The following GRIA3 variants were observed in gnomAD, a reference collection of about 807,000 sequenced individuals.
GRIA3 encodes the protein glutamate ionotropic receptor AMPA type subunit 3.
In GRIA3, 3 loss-of-function variants were observed where a neutral mutation model predicts 63.0. The observed-to-expected ratio is 0.05, with a 90% CI of 0.02 to 0.12. The LOEUF (loss-of-function observed/expected upper bound fraction) is 0.12. Ranked by LOEUF, GRIA3 falls within the 10% of genes least tolerant of loss-of-function variation. The pLI, the probability that GRIA3 is intolerant of heterozygous loss-of-function variation, is 1.00. For synonymous variants in GRIA3, 274 were observed against 257.9 expected, an observed-to-expected ratio of 1.06 and a Z score of -0.60; for missense variants, 347 against 700.9, an observed-to-expected ratio of 0.50 and a Z score of 5.70.
intron 2 of GRIA3, among the ~76,000 whole-genome samples, chrX:123,199,664 G>T (rs1352300994): frequency 9.0e-6 from 1 of 111,560 alleles, no homozygotes; most frequent in African/African-American, 3.3e-5. Flanking sequence ...GCTGCACAAT[G>T]ACATACATAA....
At chrX:123,366,167 C>A (rs894688786) in intron 5 of GRIA3, among the ~76,000 whole-genome samples, 2 of 111,022 alleles carry the variant, frequency 1.8e-5, no homozygotes, top group African/African-American at 6.6e-5. Context: ...TCTTTATGAC[C>A]CATATCTTGT....
At chrX:123,195,818 T>G (rs921309062) in intron 2 of GRIA3, among the ~76,000 whole-genome samples, 3 of 111,618 alleles carry the variant, frequency 2.7e-5, no homozygotes, top group Non-Finnish European at 5.6e-5. Flanking sequence ...AAAAACTCTA[T>G]TTTGACTTTC....
At chrX:123,484,779 G>A (rs1416655183) in intron 15 of GRIA3, among the ~76,000 whole-genome samples, 2 of 112,550 alleles carry the variant, frequency 1.8e-5, no homozygotes, top group African/African-American at 3.2e-5. Flanking sequence ...CACCATGCCC[G>A]GCTGCATTTG....
At chrX:123,335,423 T>C (rs2044968228) in intron 4 of GRIA3, among the ~76,000 whole-genome samples, 1 of 111,884 alleles carries the variant, frequency 8.9e-6, no homozygotes, top group Admixed American at 9.5e-5. Flanking sequence ...AATTGGATTC[T>C]GATTAACTGA....
At chrX:123,359,730 A>AAAAAC (rs897633985) in intron 5 of GRIA3, among the ~76,000 whole-genome samples, 4 of 111,907 alleles carry the variant, frequency 3.6e-5, no homozygotes, top group Admixed American at 1.9e-4. Flanking sequence ...GACCAAAAAC[A>AAAAAC]AAAACAAAAC....
intron 2 of GRIA3, among the ~76,000 whole-genome samples, chrX:123,250,398 T>C (rs929845620): frequency 3.6e-5 from 4 of 112,212 alleles, no homozygotes; most frequent in African/African-American, 1.3e-4. Context: ...AACCAGAACC[T>C]CGCCACTTAT....
intron 5 of GRIA3, among the ~76,000 whole-genome samples, chrX:123,364,765 C>A (rs893711642): frequency 1.8e-5 from 2 of 112,548 alleles, no homozygotes. Flanking sequence ...ATGTACACAA[C>A]GGAATACTAT....
chrX:123,357,888 A>G (rs1337677397), intron 5 of GRIA3, among the ~76,000 whole-genome samples: 1 of 111,013 alleles, frequency 9.0e-6, no homozygotes, highest in Non-Finnish European at 1.9e-5. Flanking sequence ...CCCTCTTTTC[A>G]TTTGAATTCA....
At chrX:123,367,259 A>T (rs1425264827) in intron 5 of GRIA3, among the ~76,000 whole-genome samples, 1 of 111,718 alleles carries the variant, frequency 9.0e-6, no homozygotes, top group Non-Finnish European at 1.9e-5. Context: ...GTCTACTGAA[A>T]CACATTTTGT....
At chrX:123,407,003 A>G (rs942620336) in intron 10 of GRIA3, among the ~76,000 whole-genome samples, 10 of 111,912 alleles carry the variant, frequency 8.9e-5, no homozygotes, top group Non-Finnish European at 1.7e-4. Flanking sequence ...TACCTGATAC[A>G]TAGTAAATGC....
intron 3 of GRIA3, among the ~76,000 whole-genome samples, chrX:123,310,859 C>T (rs2044785948): frequency 1.8e-5 from 2 of 111,036 alleles, no homozygotes; most frequent in Non-Finnish European, 3.8e-5. Context: ...AAAAACTAGC[C>T]AGGTGTGGTG....
intron 3 of GRIA3, among the ~76,000 whole-genome samples, chrX:123,299,907 T>C (rs779941614): frequency 6.1e-5 from 4 of 65,126 alleles, no homozygotes; most frequent in Non-Finnish European, 1.1e-4. Context: ...GCTCCTTCAA[T>C]ACCTAGTTTA....
Position 123,253,334 on chromosome X carries a change from C to T in GRIA3, c.300C>T (p.Ala100=). The T allele has an allele frequency of 1.7e-6, 2 of 1,208,348 alleles. No homozygotes were observed. The highest frequency in any genetic ancestry group is 2.2e-6 in the Non-Finnish European group (2 of 892,347). ...CCCAGTTCTCGAGAGGGGTGTATGCCATCTTTGGATTCTATGACCAGATGT... is the reference window on the plus strand; with the variant it reads ...CCCAGTTCTCGAGAGGGGTGTATGCTATCTTTGGATTCTATGACCAGATGT... ...FCSQFSRGVY[A]IFGFYDQMSM... is the part of the protein sequence containing the mutation. The change falls in exon 3 of 16, where the codon GCC becomes GCT. Residue 100 remains alanine (A), a synonymous_variant. Coordinates refer to ENST00000620443, the MANE Select transcript of GRIA3 (RefSeq NM_007325.5).
In GRIA3 at chrX:123,231,293, T is replaced by C. The variant is rs950739840; in HGVS notation, c.269-22010T>C. ...AAGCCAGAAAGAACCTTAGAGATCA[T>C]TGGATTCTCATTTTTCAGGTGAGGA... On this transcript the variant is annotated intron_variant, in intron 2 of 15. Coordinates refer to ENST00000620443, the MANE Select transcript of GRIA3 (RefSeq NM_007325.5). Among the ~76,000 whole-genome samples the C allele has an allele frequency of 6.3e-5, 7 of 111,545 alleles. 1 individual carries two copies. The highest frequency in any genetic ancestry group is 9.3e-3 in the Middle Eastern group (2 of 216).
intron 12 of GRIA3, among the ~76,000 whole-genome samples, chrX:123,457,622 C>CA (rs1200052575): frequency 1.8e-5 from 2 of 112,377 alleles, no homozygotes; most frequent in African/African-American, 6.5e-5. Context: ...TTACAAACAC[C>CA]AATACTGTCT....
Position 123,202,723 on chromosome X carries a change from T to C in GRIA3, c.268+16733T>C, listed in dbSNP as rs1333499936. 6 of 1,166,367 alleles carry C rather than the reference T, an allele frequency of 5.1e-6. No individual in the cohort carries two copies. In the South Asian group the frequency reaches 7.6e-5, roughly 15 times the overall value. ...CTGCCGTGCTGCAAAGATCATGGGC[T>C]GCTGCACCTAAAATGTTCACCAGGT... On this transcript the variant is annotated intron_variant, in intron 2 of 15. Transcript: ENST00000620443.
At chrX:123,270,616 C>T (rs1346155001) in intron 3 of GRIA3, among the ~76,000 whole-genome samples, 1 of 112,252 alleles carries the variant, frequency 8.9e-6, no homozygotes, top group East Asian at 2.8e-4. Flanking sequence ...TTTTCTAAGG[C>T]AATCCTGAGG....
intron 3 of GRIA3, among the ~76,000 whole-genome samples, chrX:123,319,533 C>A (rs996117590): frequency 8.9e-6 from 1 of 111,788 alleles, no homozygotes; most frequent in African/African-American, 3.3e-5. Context: ...CCAAACTGAG[C>A]ATATTAATTT....
At chrX:123,336,545 T>C (rs2044975525) in intron 4 of GRIA3, among the ~76,000 whole-genome samples, 1 of 111,776 alleles carries the variant, frequency 8.9e-6, no homozygotes, top group East Asian at 2.8e-4. Context: ...TGGTGACAAT[T>C]AGTGTTACAT....
Sources: gnomAD v4.1 joint callset for allele counts (sites outside exome capture counted in the v4.1 genomes callset) on GRCh38, gnomAD v4.1.1 for gene constraint, MANE v1.5 for transcripts, NCBI Gene and HGNC (gene_info 2026-07-23, HGNC 2026-07-21) for gene names.